Variants in CSMD2 observed in about 807,000 individuals in gnomAD.
CSMD2 encodes CUB and sushi domain-containing protein 2.
A neutral mutation model predicts 398.5 loss-of-function variants in CSMD2; 130 were observed. That is an observed-to-expected ratio of 0.33 (90% confidence interval 0.28 to 0.38). The LOEUF (loss-of-function observed/expected upper bound fraction) is 0.38. Ranked by LOEUF, CSMD2 falls within the 10% of genes least tolerant of loss-of-function variation. The pLI, the probability that CSMD2 is intolerant of heterozygous loss-of-function variation, is 1.00. For synonymous variants in CSMD2, 1,828 were observed against 1,908.5 expected (o/e 0.96, Z 1.10); for missense variants, 3,829 against 4,764.9 (o/e 0.80, Z 5.78).
chr1:33,572,156 C>T (rs1452884254), intron 50 of CSMD2, among the ~76,000 whole-genome samples: 1 of 152,042 alleles, frequency 6.6e-6, no homozygotes, highest in African/African-American at 2.4e-5. Context: ...GGGACATAGT[C>T]GAGGAGGTTG....
upstream of CSMD2, chr1:34,165,663 C>T: frequency 7.8e-7 from 1 of 1,283,488 alleles, no homozygotes; most frequent in Non-Finnish European, 1.1e-6. Context: ...CATACACGCA[C>T]ACCTCTTCCA....
chr1:33,653,701 C>T (rs929112030), intron 27 of CSMD2, among the ~76,000 whole-genome samples: 4 of 151,894 alleles, frequency 2.6e-5, no homozygotes, highest in Admixed American at 1.3e-4. Flanking sequence ...GCTGCTGTAC[C>T]GTGGCATGAG....
At position 33,741,405 on chromosome 1, in the gene CSMD2, G is replaced by A. The variant is rs149906648; in HGVS notation, c.2173+1875C>T. ...ATTGTTTCACTGACTGCATCCGATC[G>A]CCTCAGAAGCCTACCAAAAATGTAG... is the stretch of plus-strand genomic sequence containing the variant. On this transcript the variant is annotated intron_variant, in intron 14 of 70. Coordinates refer to ENST00000373381, the MANE Select transcript of CSMD2 (RefSeq NM_001281956.2). Among the ~76,000 whole-genome samples the A allele has an allele frequency of 1.2e-4, 19 of 152,246 alleles. No homozygotes were observed. In the East Asian group the frequency reaches 2.7e-3, roughly 22 times the overall value.
chr1:33,904,001 G>A (rs1642918609), intron 5 of CSMD2, among the ~76,000 whole-genome samples: 1 of 152,220 alleles, frequency 6.6e-6, no homozygotes, highest in African/African-American at 2.4e-5. Context: ...GGGACAGGAT[G>A]AAGAGCACAG....
intron 3 of CSMD2, among the ~76,000 whole-genome samples, chr1:33,998,191 A>C (rs1646786627): frequency 1.3e-5 from 2 of 152,094 alleles, no homozygotes; most frequent in South Asian, 4.2e-4. Context: ...GAAAATTAAG[A>C]GAGACCTCAG....
chr1:34,035,673 GA>G (rs201969213), intron 2 of CSMD2, among the ~76,000 whole-genome samples: 7,835 of 130,142 alleles, frequency 0.06, 265 homozygotes, highest in East Asian at 0.18. Flanking sequence ...GTAGTTAAAC[GA>G]AAAAAAAAAA....
intron 38 of CSMD2, 55 bp downstream of exon 38, chr1:33,617,444 C>G (rs1260903682): frequency 7.2e-7 from 1 of 1,395,026 alleles, no homozygotes; most frequent in East Asian, 2.3e-5. Flanking sequence ...GTAAGGCTGG[C>G]CAACCACATC....
At chr1:34,104,533 G>C (rs1303824194) in intron 1 of CSMD2, among the ~76,000 whole-genome samples, 1 of 152,184 alleles carries the variant, frequency 6.6e-6, no homozygotes, top group Non-Finnish European at 1.5e-5. Context: ...TGGTGTTTGG[G>C]AGTGCAATCT....
intron 32 of CSMD2, among the ~76,000 whole-genome samples, chr1:33,632,531 A>C (rs1042668944): frequency 1.3e-5 from 2 of 152,204 alleles, no homozygotes; most frequent in African/African-American, 4.8e-5. Flanking sequence ...ACTAGTAATA[A>C]AACAAGGCAA....
intron 9 of CSMD2, among the ~76,000 whole-genome samples, chr1:33,816,244 G>T (rs552943389): frequency 2.0e-5 from 3 of 152,188 alleles, no homozygotes; most frequent in African/African-American, 7.2e-5. Flanking sequence ...ATATATATAA[G>T]TTCCTGTTAA....
intron 3 of CSMD2, among the ~76,000 whole-genome samples, chr1:34,013,200 C>G (rs1647604045): frequency 6.7e-6 from 1 of 149,706 alleles, no homozygotes; most frequent in South Asian, 2.3e-4. Context: ...TATCAGTCAT[C>G]ATCGTGCCAT....
At position 34,150,582 on chromosome 1, in the gene CSMD2, G is replaced by A. The variant is rs148190761; in HGVS notation, c.187+14329C>T. Among the ~76,000 whole-genome samples, 163 of 152,230 alleles carry A rather than the reference G, an allele frequency of 1.1e-3. 6 individuals are homozygous for A. The highest frequency in any genetic ancestry group is 6.8e-3 in the Middle Eastern group (2 of 292). On this transcript the variant is annotated intron_variant, in intron 1 of 70. Transcript: ENST00000373381. ...GTTTTGTAAGGGGTAAGGGAGGAAT[G>A]AGCAGCTCTCACTAAGCATAGGGCC...
chr1:33,820,655 G>A (rs1453322762), intron 7 of CSMD2, 99 bp from the exon 8 acceptor site: 32 of 804,708 alleles, frequency 4.0e-5, no homozygotes, highest in East Asian at 2.9e-4. Flanking sequence ...GGTGGGAGGT[G>A]GAGGCAGAGA....
intron 3 of CSMD2, among the ~76,000 whole-genome samples, chr1:34,016,976 G>T (rs1024331818): frequency 2.0e-5 from 3 of 152,066 alleles, no homozygotes; most frequent in Non-Finnish European, 4.4e-5. Context: ...TACAACCAAG[G>T]GTACGTGATC....
At chr1:33,963,084 T>C (rs935396696) in intron 3 of CSMD2, among the ~76,000 whole-genome samples, 6 of 152,160 alleles carry the variant, frequency 3.9e-5, no homozygotes, top group South Asian at 2.1e-4. Context: ...TGTCAAAAGA[T>C]TGAGAGTCTA....
At chr1:34,005,443 T>A (rs2148047932) in intron 3 of CSMD2, among the ~76,000 whole-genome samples, 1 of 120,424 alleles carries the variant, frequency 8.3e-6, no homozygotes, top group Middle Eastern at 4.7e-3. Flanking sequence ...ATCTGTGATT[T>A]ATTTATGATT....
chr1:34,015,958 T>C (rs1206785065), intron 3 of CSMD2, among the ~76,000 whole-genome samples: 1 of 152,038 alleles, frequency 6.6e-6, no homozygotes, highest in Non-Finnish European at 1.5e-5. Flanking sequence ...AGGATATCTC[T>C]GAAATCTCCT....
chr1:33,979,083 C>T (rs571112568), intron 3 of CSMD2, among the ~76,000 whole-genome samples: 11 of 152,200 alleles, frequency 7.2e-5, no homozygotes, highest in Non-Finnish European at 1.0e-4. Context: ...TTGAACTCCA[C>T]GTTTCTGTTG....
At chr1:33,756,101 T>G (rs1262710221) in intron 13 of CSMD2, among the ~76,000 whole-genome samples, 1 of 152,182 alleles carries the variant, frequency 6.6e-6, no homozygotes, top group East Asian at 1.9e-4. Context: ...TTGGCAGTCA[T>G]TTGAAAGCTT....
Sources: allele counts gnomAD v4.1 joint callset (sites outside exome capture counted in the v4.1 genomes callset), GRCh38; gene constraint gnomAD v4.1.1; transcripts MANE v1.5; gene names NCBI Gene and HGNC (gene_info 2026-07-23, HGNC 2026-07-21).